GRID2: variants seen among roughly 807,000 people sequenced by gnomAD.
GRID2 encodes glutamate ionotropic receptor delta type subunit 2, also known as glutamate receptor ionotropic, delta-2.
Under a neutral mutation model 114.8 loss-of-function variants are expected in GRID2, and 33 were observed. The observed-to-expected ratio is 0.29, with a 90% CI of 0.22 to 0.38. GRID2 has a LOEUF of 0.38. Among genes scored for constraint, GRID2 ranks in the 10% least tolerant of loss-of-function variants. The pLI, the probability that GRID2 is intolerant of heterozygous loss-of-function variation, is 1.00. For missense variants in GRID2, 1,184 were observed against 1,257.7 expected (o/e 0.94, Z 0.89); for synonymous variants, 505 against 449.9 (o/e 1.12, Z -1.55).
intron 2 of GRID2, among the ~76,000 whole-genome samples, chr4:92,646,800 TTA>T (rs1327765589): frequency 1.1e-4 from 16 of 152,360 alleles, no homozygotes; most frequent in African/African-American, 3.8e-4. Context: ...CGTATTCTAT[TTA>T]TGTTTTCATT....
At chr4:93,135,140 G>T (rs558329797) in intron 4 of GRID2, among the ~76,000 whole-genome samples, 10 of 152,158 alleles carry the variant, frequency 6.6e-5, no homozygotes, top group African/African-American at 1.9e-4. Context: ...GTTAGATAAT[G>T]ATGTGCAAAC....
chr4:93,441,264 T>C (rs928396439), intron 10 of GRID2, among the ~76,000 whole-genome samples: 2 of 148,606 alleles, frequency 1.3e-5, no homozygotes, highest in Non-Finnish European at 2.9e-5. Flanking sequence ...TATAAATAAC[T>C]TTTAAAGACA....
At chr4:93,469,740 A>T (rs1162288443) in intron 11 of GRID2, among the ~76,000 whole-genome samples, 1 of 152,066 alleles carries the variant, frequency 6.6e-6, no homozygotes, top group African/African-American at 2.4e-5. Flanking sequence ...CCTCCAGAAA[A>T]CCTTCCTTTG....
At position 92,556,918 on chromosome 4, in the gene GRID2, G is replaced by A. The variant is rs565358757; in HGVS notation, c.89-33213G>A. On this transcript the variant is annotated intron_variant, in intron 1 of 15. Transcript: ENST00000282020. The stretch of plus-strand genomic sequence containing the variant: ...CTGGGAGGTGGAATCATGGGAAACC[G>A]TTTTACATGCTGCCTACCACTCACG... Among the ~76,000 whole-genome samples, 13 of 152,208 alleles carry A rather than the reference G, an allele frequency of 8.5e-5. No individual in the cohort carries two copies. The East Asian group carries it at 1.2e-3, about 14-fold the overall frequency.
intron 1 of GRID2, among the ~76,000 whole-genome samples, chr4:92,580,582 T>C (rs1728133284): frequency 1.3e-5 from 2 of 151,140 alleles, no homozygotes; most frequent in African/African-American, 2.4e-5. Context: ...AACATAAAAT[T>C]AGAATTTTTA....
chr4:92,779,984 G>T (rs779055351), intron 2 of GRID2, among the ~76,000 whole-genome samples: 10 of 141,630 alleles, frequency 7.1e-5, no homozygotes, highest in Admixed American at 3.1e-4. Context: ...AAAACATTTG[G>T]CATTTGCCTC....
intron 5 of GRID2, among the ~76,000 whole-genome samples, chr4:93,212,845 T>C (rs955650881): frequency 1.3e-5 from 2 of 151,856 alleles, no homozygotes; most frequent in African/African-American, 4.8e-5. Flanking sequence ...CGATCTTGGC[T>C]CACTGCAACC....
At chr4:92,654,604 T>G (rs906142125) in intron 2 of GRID2, among the ~76,000 whole-genome samples, 1 of 152,062 alleles carries the variant, frequency 6.6e-6, no homozygotes, top group Non-Finnish European at 1.5e-5. Context: ...ATAGCTATTC[T>G]GACTTGGGTG....
intron 2 of GRID2, among the ~76,000 whole-genome samples, chr4:92,931,043 C>A (rs1447115600): frequency 1.3e-5 from 2 of 150,794 alleles, no homozygotes; most frequent in Admixed American, 6.6e-5. Flanking sequence ...GATACATAAA[C>A]CTGATAAAGA....
intron 2 of GRID2, among the ~76,000 whole-genome samples, chr4:92,775,543 A>G (rs138843542): frequency 4.3e-4 from 66 of 152,238 alleles, no homozygotes; most frequent in African/African-American, 1.6e-3. Flanking sequence ...AAAAATTTCT[A>G]TTTTTGTTCC....
At chr4:92,616,402 G>GT (rs925309662) in intron 2 of GRID2, among the ~76,000 whole-genome samples, 1 of 150,804 alleles carries the variant, frequency 6.6e-6, no homozygotes, top group Non-Finnish European at 1.5e-5. Flanking sequence ...TTTCCTTTAA[G>GT]TTTTTTTCTT....
intron 14 of GRID2, among the ~76,000 whole-genome samples, chr4:93,669,202 TG>T (rs1724195104): frequency 6.6e-6 from 1 of 152,034 alleles, no homozygotes; most frequent in African/African-American, 2.4e-5. Flanking sequence ...TGAGTTAATG[TG>T]GGGTCATGTT....
intron 1 of GRID2, among the ~76,000 whole-genome samples, chr4:92,377,871 G>A (rs1435180699): frequency 6.6e-6 from 1 of 152,042 alleles, no homozygotes; most frequent in Non-Finnish European, 1.5e-5. Context: ...CTTCCCACCA[G>A]GTCCCTTCCA....
intron 14 of GRID2, among the ~76,000 whole-genome samples, chr4:93,726,798 G>T (rs867723984): frequency 6.6e-6 from 1 of 152,106 alleles, no homozygotes; most frequent in Non-Finnish European, 1.5e-5. Flanking sequence ...TCTGTTATTG[G>T]TGTATAAGAA....
At chr4:93,323,764 A>T (rs10016077) in intron 8 of GRID2, among the ~76,000 whole-genome samples, 47,827 of 151,704 alleles carry the variant, frequency 0.32, 8,589 homozygotes, top group African/African-American at 0.49. Flanking sequence ...GTCCTTCACA[A>T]CCCTTATAAG....
At chr4:92,781,285 AAAAC>A (rs1413944013) in intron 2 of GRID2, among the ~76,000 whole-genome samples, 1 of 152,018 alleles carries the variant, frequency 6.6e-6, no homozygotes, top group Admixed American at 6.6e-5. Context: ...CAACAACAAA[AAAAC>A]AAACATTGCC....
chr4:93,299,459 C>G (rs370091080), intron 8 of GRID2, among the ~76,000 whole-genome samples: 1 of 146,976 alleles, frequency 6.8e-6, no homozygotes, highest in African/African-American at 2.5e-5. Flanking sequence ...GAGTGATCTC[C>G]GTTTAATTAT....
At chr4:93,254,652 A>G (rs1445999312) in intron 8 of GRID2, among the ~76,000 whole-genome samples, 4 of 152,118 alleles carry the variant, frequency 2.6e-5, no homozygotes, top group Non-Finnish European at 5.9e-5. Flanking sequence ...AGGCTTATGC[A>G]TTTTAGAATG....
intron 1 of GRID2, among the ~76,000 whole-genome samples, chr4:93,805,972 C>T (rs1387799258): frequency 1.3e-5 from 2 of 152,068 alleles, no homozygotes; most frequent in East Asian, 1.9e-4. Context: ...TGGCATGTGC[C>T]TGTGGTCCCA....
Sources: gnomAD v4.1 joint callset for allele counts (sites outside exome capture counted in the v4.1 genomes callset) on GRCh38, gnomAD v4.1.1 for gene constraint, MANE v1.5 for transcripts, NCBI Gene and HGNC (gene_info 2026-07-23, HGNC 2026-07-21) for gene names.